SLC12A6: variants seen among roughly 807,000 people sequenced by gnomAD.
SLC12A6 encodes the protein solute carrier family 12 member 6.
Under a neutral mutation model 135.3 loss-of-function variants are expected in SLC12A6, and 66 were observed. That is an observed-to-expected ratio of 0.49 (90% CI 0.40 to 0.60). SLC12A6 has a LOEUF of 0.60. Among genes scored for constraint, SLC12A6 ranks in the 20% least tolerant of loss-of-function variants. The pLI is 0.00. For synonymous variants in SLC12A6, 513 were observed against 508.8 expected (o/e 1.01, Z -0.11); for missense variants, 1,058 against 1,452.3 (o/e 0.73, Z 4.41).
chr15:34,324,035 T>A (rs973453538), intron 2 of SLC12A6, among the ~76,000 whole-genome samples: 11 of 152,182 alleles, frequency 7.2e-5, no homozygotes, highest in African/African-American at 2.4e-4. Flanking sequence ...GTAGTTTTTT[T>A]ATAAATCAAA....
At chr15:34,301,723 C>G (rs752063831) in intron 2 of SLC12A6, among the ~76,000 whole-genome samples, 1 of 150,302 alleles carries the variant, frequency 6.7e-6, no homozygotes, top group Non-Finnish European at 1.5e-5. Context: ...GGCGTGGTGG[C>G]TCACGCCTGT....
intron 2 of SLC12A6, among the ~76,000 whole-genome samples, chr15:34,308,210 G>A (rs190607784): frequency 4.3e-4 from 65 of 152,190 alleles, no homozygotes; most frequent in African/African-American, 1.6e-3. Context: ...TAAGCATGCA[G>A]ATCTAAATTT....
chr15:34,305,632 AGT>A (rs979464302), intron 2 of SLC12A6, among the ~76,000 whole-genome samples: 6 of 152,170 alleles, frequency 3.9e-5, no homozygotes, highest in African/African-American at 1.4e-4. Flanking sequence ...AAAAAAAATA[AGT>A]GTGTGAGGAT....
intron 2 of SLC12A6, among the ~76,000 whole-genome samples, chr15:34,330,867 C>A (rs1224777866): frequency 6.6e-6 from 1 of 151,866 alleles, no homozygotes; most frequent in African/African-American, 2.4e-5. Flanking sequence ...CATAGTGAAA[C>A]CCTATCTCCA....
At chr15:34,275,101 AT>A (rs545424009) in intron 3 of SLC12A6, among the ~76,000 whole-genome samples, 10 of 152,110 alleles carry the variant, frequency 6.6e-5, no homozygotes, top group African/African-American at 1.4e-4. Flanking sequence ...TAGTTCTTAG[AT>A]TTTTTTTAAC....
intron 2 of SLC12A6, among the ~76,000 whole-genome samples, chr15:34,312,872 G>C (rs1888358457): frequency 6.6e-6 from 1 of 152,032 alleles, no homozygotes; most frequent in South Asian, 2.1e-4. Context: ...AACTATACTT[G>C]TTTATGATGA....
intron 3 of SLC12A6, among the ~76,000 whole-genome samples, chr15:34,267,027 T>C (rs1477322154): frequency 1.3e-5 from 2 of 152,184 alleles, no homozygotes; most frequent in Admixed American, 6.5e-5. Flanking sequence ...TTTTCCTTAA[T>C]GACATTTTCC....
intron 3 of SLC12A6, 50 bp downstream of exon 3, chr15:34,275,295 T>G: frequency 2.2e-6 from 2 of 910,280 alleles, no homozygotes; most frequent in Non-Finnish European, 3.7e-6. Flanking sequence ...TTAGGATAAA[T>G]GAGTTAAGGG....
intron 3 of SLC12A6, among the ~76,000 whole-genome samples, chr15:34,266,692 A>T (rs900868761): frequency 6.6e-5 from 10 of 152,318 alleles, no homozygotes; most frequent in African/African-American, 2.2e-4. Flanking sequence ...TCAACCTCCC[A>T]AAGTGCTGGG....
chr15:34,336,884 G>A (rs1393404859), intron 1 of SLC12A6, 132 bp from the exon 2 acceptor site: 1 of 608,060 alleles, frequency 1.6e-6, no homozygotes, highest in African/African-American at 1.9e-5. Context: ...ATCACCAATA[G>A]GTGAATATAT....
intron 2 of SLC12A6, among the ~76,000 whole-genome samples, chr15:34,330,509 C>CA (rs34691564): frequency 1.3e-4 from 19 of 148,422 alleles, no homozygotes; most frequent in African/African-American, 3.0e-4. Flanking sequence ...CTTGTCTCTA[C>CA]AAAAAAAAAA....
chr15:34,261,031 A>T lies in SLC12A6; in HGVS notation c.317-11T>A. ...TCTTATGTCCGTCGTCTGGAAAAAAAAAAGTAGACCAAGTTAGTTTCTCAC... is the reference window on the plus strand; with the variant it reads ...TCTTATGTCCGTCGTCTGGAAAAAATAAAGTAGACCAAGTTAGTTTCTCAC... On this transcript the variant is annotated splice_polypyrimidine_tract_variant and intron_variant, in intron 3 of 25. Transcript: ENST00000354181. 1 of 1,388,638 alleles carries T rather than the reference A, an allele frequency of 7.2e-7. No homozygotes were observed. Among genetic ancestry groups the T allele is most frequent in the Non-Finnish European group, 1.0e-6 (1 of 974,424 alleles). 86.0% of individuals were successfully genotyped at this position (1,388,638 alleles called of 1,614,324 possible).
At chr15:34,292,978 G>A (rs1483862644) in intron 2 of SLC12A6, among the ~76,000 whole-genome samples, 3 of 152,186 alleles carry the variant, frequency 2.0e-5, no homozygotes, top group Non-Finnish European at 4.4e-5. Context: ...CCTGGGTGAA[G>A]CAATGCCCCA....
chr15:34,314,635 G>C (rs965514772), intron 2 of SLC12A6: 16 of 152,550 alleles, frequency 1.0e-4, no homozygotes, highest in African/African-American at 3.9e-4. Flanking sequence ...TCCTCTGATG[G>C]ATCTAAGCAA....
intron 13 of SLC12A6, among the ~76,000 whole-genome samples, chr15:34,249,718 G>C (rs1892255871): frequency 6.6e-6 from 1 of 152,148 alleles, no homozygotes; most frequent in African/African-American, 2.4e-5. Flanking sequence ...TTATTTACTT[G>C]CCCTTCTTGA....
intron 2 of SLC12A6, among the ~76,000 whole-genome samples, chr15:34,301,112 G>A (rs967490416): frequency 6.6e-6 from 1 of 151,166 alleles, no homozygotes; most frequent in African/African-American, 2.4e-5. Flanking sequence ...GGGATTAGAG[G>A]CATGCACCAC....
intron 2 of SLC12A6, among the ~76,000 whole-genome samples, chr15:34,278,042 C>T (rs1894413955): frequency 6.6e-6 from 1 of 152,112 alleles, no homozygotes. Flanking sequence ...GGGAATACAA[C>T]CTATGAAGAG....
rs914802551 is a variant in SLC12A6 at position 34,254,540 on chromosome 15, T to C, written c.926A>G (p.Lys309Arg). ...AAIFHSDDAL[K>R]ESAAMLNNMR... ...GTTATTTAGCATGGCTGCTGATTCC[T>C]TGAGTGCGTCATCACTGTGAAAGAT... is the stretch of plus-strand genomic sequence containing the variant. Residue 309 changes from lysine to arginine, a missense_variant, in exon 9 of 26, where the codon AAG (lysine) becomes AGG (arginine). Coordinates refer to ENST00000354181, the MANE Select transcript of SLC12A6 (RefSeq NM_001365088.1). The C allele has an allele frequency of 8.1e-6, 13 of 1,610,558 alleles. No homozygotes were observed. The highest frequency in any genetic ancestry group is 1.1e-5 in the Non-Finnish European group (13 of 1,176,848).
chr15:34,235,028 A>T (rs1891160886), intron 25 of SLC12A6, among the ~76,000 whole-genome samples, 153 bp downstream of exon 25: 1 of 152,216 alleles, frequency 6.6e-6, no homozygotes, highest in Admixed American at 6.5e-5. Context: ...TAATCTTATA[A>T]CTTTGTAAAA....
Sources: allele counts gnomAD v4.1 joint callset (sites outside exome capture counted in the v4.1 genomes callset), GRCh38; gene constraint gnomAD v4.1.1; transcripts MANE v1.5; gene names NCBI Gene and HGNC (gene_info 2026-07-23, HGNC 2026-07-21).